Variants in YAP1 observed in about 807,000 individuals in gnomAD.
YAP1 encodes the protein transcriptional coactivator YAP1.
In YAP1, 5 loss-of-function variants were observed where a neutral mutation model predicts 56.9. The ratio of observed to expected loss-of-function variants is 0.09; its 90% confidence interval spans 0.05 to 0.18. YAP1 has a LOEUF of 0.18. YAP1 is among the 10% of genes least tolerant of loss of function. YAP1 has a pLI of 1.00. For synonymous variants in YAP1, 265 were observed against 248.1 expected (o/e 1.07, Z -0.64); for missense variants, 539 against 651.8 (o/e 0.83, Z 1.88).
chr11:102,178,027 C>T (rs1418842392), intron 3 of YAP1, among the ~76,000 whole-genome samples: 1 of 152,148 alleles, frequency 6.6e-6, no homozygotes, highest in Non-Finnish European at 1.5e-5. Context: ...CTGAATGATC[C>T]TGGACAAGCT....
intron 3 of YAP1, among the ~76,000 whole-genome samples, chr11:102,184,033 C>T (rs376495634): frequency 2.7e-5 from 4 of 147,698 alleles, no homozygotes; most frequent in South Asian, 2.1e-4. Context: ...GCCGAGATCC[C>T]GCCACTGCAC....
intron 6 of YAP1, among the ~76,000 whole-genome samples, chr11:102,219,615 T>C (rs1044420071): frequency 6.6e-6 from 1 of 151,674 alleles, no homozygotes; most frequent in African/African-American, 2.4e-5. Context: ...AGAAAAGAAA[T>C]AAGAGGGATC....
chr11:102,115,324 G>GT (rs778163114), intron 2 of YAP1, among the ~76,000 whole-genome samples: 1 of 152,174 alleles, frequency 6.6e-6, no homozygotes, highest in African/African-American at 2.4e-5. Context: ...GAAAAACAGT[G>GT]TAAGTTTTGA....
At chr11:102,167,975 T>C (rs1946700824) in intron 3 of YAP1, among the ~76,000 whole-genome samples, 1 of 151,896 alleles carries the variant, frequency 6.6e-6, no homozygotes, top group Non-Finnish European at 1.5e-5. Context: ...GCCCACGAGG[T>C]CAAGGCTGCA....
intron 3 of YAP1, among the ~76,000 whole-genome samples, chr11:102,168,057 T>C (rs1946704922): frequency 1.3e-5 from 2 of 151,908 alleles, no homozygotes; most frequent in Admixed American, 6.6e-5. Flanking sequence ...AAAAAAGTTA[T>C]AATATAAATT....
At chr11:102,201,991 T>C (rs1948883752) in intron 4 of YAP1, among the ~76,000 whole-genome samples, 1 of 151,904 alleles carries the variant, frequency 6.6e-6, no homozygotes, top group Non-Finnish European at 1.5e-5. Flanking sequence ...AACAAGCCCA[T>C]TGTAGCCATA....
intron 4 of YAP1, among the ~76,000 whole-genome samples, chr11:102,190,861 C>T (rs368250262): frequency 5.3e-5 from 8 of 151,994 alleles, no homozygotes; most frequent in African/African-American, 9.7e-5. Flanking sequence ...CACTTGAACC[C>T]GGTAGGCAGA....
At chr11:102,132,760 G>A (rs773239617) in intron 2 of YAP1, among the ~76,000 whole-genome samples, 13 of 152,142 alleles carry the variant, frequency 8.5e-5, no homozygotes, top group East Asian at 1.9e-4. Context: ...AATATAAACC[G>A]TTTACACACA....
Position 102,162,619 on chromosome 11 carries a change from T to C in YAP1, c.688+48T>C, listed in dbSNP as rs751885976. The C allele has an allele frequency of 2.4e-5, 38 of 1,559,460 alleles. No individual in the cohort carries two copies. In the African/African-American group the frequency reaches 5.1e-4, roughly 21 times the overall value. On this transcript the variant is annotated intron_variant, in intron 3 of 8. Coordinates refer to ENST00000282441, the MANE Select transcript of YAP1 (RefSeq NM_001130145.3). Reference sequence around the variant, plus strand: ...AGCACATGGAGTAATGCTTACGCATTGGTAAAAGTTGATGTGGAAAATAGT... The same window carrying C: ...AGCACATGGAGTAATGCTTACGCATCGGTAAAAGTTGATGTGGAAAATAGT...
At chr11:102,147,481 T>G (rs1356044468) in intron 2 of YAP1, among the ~76,000 whole-genome samples, 1 of 152,210 alleles carries the variant, frequency 6.6e-6, no homozygotes, top group Non-Finnish European at 1.5e-5. Flanking sequence ...AAATCCAGAC[T>G]CTGGTGGAAA....
chr11:102,183,935 G>GCT (rs1947793442), intron 3 of YAP1, among the ~76,000 whole-genome samples: 1 of 151,740 alleles, frequency 6.6e-6, no homozygotes, highest in South Asian at 2.1e-4. Context: ...AAATTAGCCG[G>GCT]GCGTAGTGGC....
chr11:102,227,549 A>G lies in YAP1; in HGVS notation c.1244A>G (p.Asp415Gly), dbSNP rs1253353895. 1.2e-6 allele frequency: 2 copies of G among 1,613,868 alleles called. No homozygotes were observed. Among genetic ancestry groups the G allele is most frequent in the Non-Finnish European group, 1.7e-6 (2 of 1,179,880 alleles). Reference protein sequence around the residue: ...SSYSVPRTPDDFLNSVDEMDT... With the variant: ...SSYSVPRTPDGFLNSVDEMDT... ...TACAGTGTCCCTCGAACCCCAGATG[A>G]CTTCCTGAACAGTGTGGATGAGATG... Residue 415 changes from aspartate (D) to glycine (G), a missense_variant, in exon 8 of 9, where the codon GAC becomes GGC. This residue lies in a region of YAP1 where 414 missense variants were observed against 512.4 expected (regional missense o/e 0.81). Coordinates refer to ENST00000282441, the MANE Select transcript of YAP1 (RefSeq NM_001130145.3).
chr11:102,179,626 C>T (rs1214249889), intron 3 of YAP1, among the ~76,000 whole-genome samples: 1 of 152,098 alleles, frequency 6.6e-6, no homozygotes, highest in Non-Finnish European at 1.5e-5. Context: ...CACTTCCTGC[C>T]CTTGATCTGC....
At chr11:102,195,262 A>G (rs577711269) in intron 4 of YAP1, among the ~76,000 whole-genome samples, 1 of 152,162 alleles carries the variant, frequency 6.6e-6, no homozygotes, top group Admixed American at 6.5e-5. Flanking sequence ...TGAGGAGAAA[A>G]TGTTCTGCTG....
chr11:102,148,527 T>C (rs1298455682), intron 2 of YAP1, among the ~76,000 whole-genome samples: 1 of 152,204 alleles, frequency 6.6e-6, no homozygotes, highest in Non-Finnish European at 1.5e-5. Context: ...GGTTTTTGGA[T>C]GGCATTAATG....
intron 6 of YAP1, among the ~76,000 whole-genome samples, chr11:102,211,437 T>C (rs1333062057): frequency 1.3e-5 from 2 of 152,228 alleles, no homozygotes; most frequent in African/African-American, 4.8e-5. Context: ...AAGAGGTTTT[T>C]AAAAATCTTC....
At chr11:102,223,323 G>T (rs1591468256) in intron 6 of YAP1, among the ~76,000 whole-genome samples, 2 of 151,198 alleles carry the variant, frequency 1.3e-5, no homozygotes, top group South Asian at 4.2e-4. Flanking sequence ...TAACCCAAAG[G>T]AGGATTTGGG....
intron 2 of YAP1, among the ~76,000 whole-genome samples, chr11:102,158,810 A>G (rs936826989): frequency 6.6e-5 from 10 of 152,248 alleles, no homozygotes; most frequent in East Asian, 1.9e-4. Flanking sequence ...TTTCATTACT[A>G]TAAAGCCCAT....
At chr11:102,211,259 T>C (rs1387882634) in intron 6 of YAP1, among the ~76,000 whole-genome samples, 1 of 152,218 alleles carries the variant, frequency 6.6e-6, no homozygotes, top group Non-Finnish European at 1.5e-5. Flanking sequence ...TGTTTCATAC[T>C]TGAATAGAAA....
Sources: gnomAD v4.1 joint callset for allele counts (sites outside exome capture counted in the v4.1 genomes callset) on GRCh38, gnomAD v4.1.1 for gene constraint, gnomAD v4.1.1 regional missense constraint, MANE v1.5 for transcripts, NCBI Gene and HGNC (gene_info 2026-07-23, HGNC 2026-07-21) for gene names.